The following DPP10 variants were observed in gnomAD, a reference collection of about 807,000 sequenced individuals.
The protein encoded by DPP10 is inactive dipeptidyl peptidase 10.
In DPP10, 33 loss-of-function variants were observed where a neutral mutation model predicts 120.9. The ratio of observed to expected loss-of-function variants is 0.27; its 90% confidence interval spans 0.21 to 0.37. The LOEUF is 0.37. Ranked by LOEUF, DPP10 falls within the 10% of genes least tolerant of loss-of-function variation. The pLI is 1.00. For synonymous variants in DPP10, 337 were observed against 326.1 expected (o/e 1.03, Z -0.36); for missense variants, 816 against 942.8 (o/e 0.87, Z 1.76).
chr2:115,101,256 C>T (rs1381101495), intron 1 of DPP10, among the ~76,000 whole-genome samples: 1 of 152,128 alleles, frequency 6.6e-6, no homozygotes, highest in African/African-American at 2.4e-5. Context: ...CTGCACCTAC[C>T]CCACCTTATG....
intron 1 of DPP10, among the ~76,000 whole-genome samples, chr2:115,266,438 T>C (rs1364099889): frequency 2.0e-5 from 3 of 152,184 alleles, no homozygotes; most frequent in Non-Finnish European, 4.4e-5. Flanking sequence ...TGGGGCTTGT[T>C]AGCAATTTAG....
intron 1 of DPP10, among the ~76,000 whole-genome samples, chr2:114,653,319 C>T (rs1696743696): frequency 6.6e-6 from 1 of 152,074 alleles, no homozygotes. Context: ...CCCTAGAAGC[C>T]TCCAGACCTG....
chr2:114,786,354 T>C (rs1256154531), intron 1 of DPP10, among the ~76,000 whole-genome samples: 2 of 152,226 alleles, frequency 1.3e-5, no homozygotes, highest in Non-Finnish European at 2.9e-5. Flanking sequence ...AACACATCTT[T>C]GCACCCTCCA....
At chr2:115,110,152 A>G (rs1480047570) in intron 1 of DPP10, among the ~76,000 whole-genome samples, 1 of 152,198 alleles carries the variant, frequency 6.6e-6, no homozygotes, top group Non-Finnish European at 1.5e-5. Context: ...ACCCTCCTTT[A>G]CATCGACTTC....
chr2:115,456,180 C>CA (rs1376535157), intron 3 of DPP10, among the ~76,000 whole-genome samples: 1 of 152,012 alleles, frequency 6.6e-6, no homozygotes, highest in Non-Finnish European at 1.5e-5. Context: ...AAAAGAAGAT[C>CA]ATTATGTACC....
intron 1 of DPP10, among the ~76,000 whole-genome samples, chr2:114,543,513 C>T (rs940149718): frequency 3.3e-5 from 5 of 152,198 alleles, no homozygotes; most frequent in Admixed American, 3.3e-4. Flanking sequence ...ATGCTTCACG[C>T]CGCCTCCTGG....
intron 1 of DPP10, among the ~76,000 whole-genome samples, chr2:114,689,055 T>C (rs560441423): frequency 7.3e-4 from 111 of 151,836 alleles, no homozygotes; most frequent in South Asian, 4.1e-3. Context: ...TTGTTTTTTT[T>C]TAATTTCTAG....
chr2:115,388,368 G>C (rs1401405828), intron 3 of DPP10, among the ~76,000 whole-genome samples: 1 of 152,192 alleles, frequency 6.6e-6, no homozygotes, highest in East Asian at 1.9e-4. Flanking sequence ...AGATGAAACT[G>C]ATTCCTCTTG....
intron 1 of DPP10, among the ~76,000 whole-genome samples, chr2:115,059,348 A>G (rs1187692692): frequency 2.1e-5 from 2 of 95,552 alleles, no homozygotes; most frequent in African/African-American, 6.7e-5. Context: ...TACAGTAGGT[A>G]TTTCTTTTTT....
At chr2:115,005,744 G>C (rs1240953361) in intron 1 of DPP10, among the ~76,000 whole-genome samples, 1 of 152,082 alleles carries the variant, frequency 6.6e-6, no homozygotes, top group Non-Finnish European at 1.5e-5. Context: ...CGTCTGATTG[G>C]TGTACCTGAA....
At chr2:115,266,185 G>C (rs746086117) in intron 1 of DPP10, among the ~76,000 whole-genome samples, 1 of 152,134 alleles carries the variant, frequency 6.6e-6, no homozygotes, top group Non-Finnish European at 1.5e-5. Flanking sequence ...GGGAATTACT[G>C]TGAGATAAAC....
chr2:115,363,867 A>G (rs772469217), intron 3 of DPP10, among the ~76,000 whole-genome samples: 12 of 152,180 alleles, frequency 7.9e-5, no homozygotes, highest in African/African-American at 1.2e-4. Context: ...CATCGGGCCA[A>G]TAAGGTTTGG....
At chr2:115,337,913 T>C (rs138511783) in intron 2 of DPP10, among the ~76,000 whole-genome samples, 88 of 152,056 alleles carry the variant, frequency 5.8e-4, no homozygotes, top group African/African-American at 2.0e-3. Flanking sequence ...TAAAGCCAAA[T>C]ACATTAATTA....
rs187352533 is a variant in DPP10, at chr2:114,479,362, T to A, written c.60+36524T>A. Among the ~76,000 whole-genome samples the A allele has an allele frequency of 4.7e-5, 7 of 149,714 alleles. No homozygotes were observed. The East Asian group carries it at 1.4e-3, about 30-fold the overall frequency. On this transcript the variant is annotated intron_variant, in intron 1 of 25. Coordinates refer to ENST00000410059, the MANE Select transcript of DPP10 (RefSeq NM_020868.6). Reference sequence around the variant, plus strand: ...AAGGCTTACTGTATAACTACAAAAATAAAATTATTGTGGTATTGATAGAGA... The same window carrying A: ...AAGGCTTACTGTATAACTACAAAAAAAAAATTATTGTGGTATTGATAGAGA...
chr2:114,460,701 C>T (rs3885217), intron 1 of DPP10, among the ~76,000 whole-genome samples: 10 of 152,046 alleles, frequency 6.6e-5, no homozygotes, highest in Admixed American at 3.3e-4. Context: ...GCTTAGTTTG[C>T]GTTACTTTCT....
intron 3 of DPP10, among the ~76,000 whole-genome samples, chr2:115,455,605 G>T (rs1270833442): frequency 2.6e-5 from 4 of 152,012 alleles, no homozygotes; most frequent in African/African-American, 9.7e-5. Flanking sequence ...CATGGTACTG[G>T]TACCAAAACA....
chr2:115,795,132 T>G (rs938714112), intron 19 of DPP10, among the ~76,000 whole-genome samples: 5 of 152,180 alleles, frequency 3.3e-5, no homozygotes, highest in African/African-American at 1.2e-4. Flanking sequence ...AATATGAATC[T>G]AATATACTTA....
At chr2:114,835,036 CAT>C (rs1687586122) in intron 1 of DPP10, 1 of 117,626 alleles carries the variant, frequency 8.5e-6, no homozygotes, top group Admixed American at 8.8e-5. Context: ...CACCTATGTA[CAT>C]ATCAGCCATA....
chr2:114,565,181 C>G (rs989122703), intron 1 of DPP10, among the ~76,000 whole-genome samples: 11 of 152,212 alleles, frequency 7.2e-5, no homozygotes, highest in African/African-American at 2.7e-4. Flanking sequence ...AAGACAGGAA[C>G]TCTGTCACTA....
Sources: allele counts gnomAD v4.1 joint callset (sites outside exome capture counted in the v4.1 genomes callset), GRCh38; gene constraint gnomAD v4.1.1; transcripts MANE v1.5; gene names NCBI Gene and HGNC (gene_info 2026-07-23, HGNC 2026-07-21).